Variants in DLEC1 observed in about 807,000 individuals in gnomAD.
DLEC1 encodes deleted in lung and esophageal cancer protein 1.
A neutral mutation model predicts 198.1 loss-of-function variants in DLEC1; 146 were observed. The observed-to-expected ratio is 0.74, with a 90% CI of 0.64 to 0.85. DLEC1 has a LOEUF of 0.85. Among genes scored for constraint, DLEC1 ranks in the 40% least tolerant of loss-of-function variants. The pLI is 0.00. For missense variants in DLEC1, 2,233 were observed against 2,220.0 expected (o/e 1.01, Z -0.12); for synonymous variants, 897 against 866.8 (o/e 1.03, Z -0.61).
At position 38,079,132 on chromosome 3, in the gene DLEC1, A is replaced by G. The variant is rs555133186; in HGVS notation, c.1174-5026A>G. 8.4e-4 allele frequency among the ~76,000 whole-genome samples: 127 copies of G among 151,930 alleles called. 2 individuals are homozygous for G. The highest frequency in any genetic ancestry group is 7.3e-3 in the South Asian group (35 of 4,798). Reference sequence around the variant, plus strand: ...TTATACTTGTGGGTTAAGGTGGGGGAATACAAGAGGAGGGCCCAAAGGAGG... The same window carrying G: ...TTATACTTGTGGGTTAAGGTGGGGGGATACAAGAGGAGGGCCCAAAGGAGG... On this transcript the variant is annotated intron_variant, in intron 6 of 36. Coordinates refer to ENST00000308059, the MANE Select transcript of DLEC1 (RefSeq NM_007335.4).
At position 38,102,430 on chromosome 3, in the gene DLEC1, T is replaced by C. The variant is rs1699353921; in HGVS notation, c.2864+2005T>C. ...TTCTTGCGTCTTTCCTTTTCTATAG[T>C]AATCTGTTATAGTCTTATCAATGCA... On this transcript the variant is annotated intron_variant, in intron 19 of 36. Coordinates refer to ENST00000308059, the MANE Select transcript of DLEC1 (RefSeq NM_007335.4). Among the ~76,000 whole-genome samples the C allele has an allele frequency of 2.0e-5, 3 of 152,252 alleles. No individual in the cohort carries two copies. In the South Asian group the frequency reaches 6.2e-4, roughly 31 times the overall value.
In DLEC1 at chr3:38,096,723, A is replaced by T; in HGVS notation, c.2326A>T (p.Lys776Ter). ...PGENYIGINV[K>*]KAFKMWNNSK... Reference sequence around the variant, plus strand: ...GGAGAACTACATTGGGATAAATGTGAAGAAGGCTTTTAAGGTAGGTCATTG... The same window carrying T: ...GGAGAACTACATTGGGATAAATGTGTAGAAGGCTTTTAAGGTAGGTCATTG... The change falls in exon 15 of 37, where the codon AAG becomes TAG. Residue 776 changes from lysine to a stop codon, truncating the protein, a stop_gained. Coordinates refer to ENST00000308059, the MANE Select transcript of DLEC1 (RefSeq NM_007335.4). LOFTEE classifies it high-confidence loss of function. 3.7e-6 allele frequency: 6 copies of T among 1,609,934 alleles called. No individual in the cohort carries two copies. The highest frequency in any genetic ancestry group is 5.1e-6 in the Non-Finnish European group (6 of 1,178,408).
chr3:38,062,754 G>T lies in DLEC1; in HGVS notation c.1047G>T (p.Lys349Asn). 1 of 1,613,954 alleles carries T rather than the reference G, an allele frequency of 6.2e-7. No homozygotes were observed. Among genetic ancestry groups the T allele is most frequent in the Admixed American group, 1.7e-5 (1 of 59,988 alleles). Residue 349 changes from lysine (K) to asparagine (N), a missense_variant, in exon 5 of 37, where the codon AAG (lysine) becomes AAT (asparagine). Coordinates refer to ENST00000308059, the MANE Select transcript of DLEC1 (RefSeq NM_007335.4). ...GCAAGTCTCTTGTTTTTCCTCCAAA[G>T]AAGCCAGCACCGATAGGAGAATTCC... is the stretch of plus-strand genomic sequence containing the variant. ...YGGKSLVFPP[K>N]KPAPIGEFQS... is the part of the protein sequence containing the mutation.
At position 38,045,592 on chromosome 3, in the gene DLEC1, G is replaced by T. The variant is rs201980264; in HGVS notation, c.461G>T (p.Arg154Ile). Residue 154 changes from arginine to isoleucine, a missense_variant, in exon 2 of 37, where the codon AGA becomes ATA. Physicochemically the swap from Arg to Ile is moderately conservative, Grantham distance 97. Coordinates refer to ENST00000308059, the MANE Select transcript of DLEC1 (RefSeq NM_007335.4). ...QRLDEFEMLE[R>I]HITQAQARAI... The stretch of plus-strand genomic sequence containing the variant: ...CTGGATGAGTTTGAAATGTTGGAGA[G>T]ACATATCACTCAGGCCCAAGCACGG... 6.2e-7 allele frequency: 1 copy of T among 1,614,134 alleles called. No homozygotes were observed. The highest frequency in any genetic ancestry group is 1.3e-5 in the African/African-American group (1 of 75,030).
chr3:38,053,779 A>G (rs1294167678), intron 2 of DLEC1, among the ~76,000 whole-genome samples: 1 of 152,220 alleles, frequency 6.6e-6, no homozygotes, highest in African/African-American at 2.4e-5. Flanking sequence ...GAAAAGATAG[A>G]GAAATCAGAT....
At chr3:38,118,535 AG>A (rs976125442) in intron 33 of DLEC1, among the ~76,000 whole-genome samples, 2 of 152,312 alleles carry the variant, frequency 1.3e-5, no homozygotes, top group Non-Finnish European at 2.9e-5. Flanking sequence ...TTGGTTAGGT[AG>A]GGGAAGGTCT....
At chr3:38,094,015 A>T (rs1254499839) in intron 12 of DLEC1, among the ~76,000 whole-genome samples, 3 of 152,266 alleles carry the variant, frequency 2.0e-5, no homozygotes, top group Non-Finnish European at 2.9e-5. Flanking sequence ...CACCAGCCAC[A>T]TGTAGCTAGT....
rs531406002 is a variant in DLEC1, at chr3:38,117,399, C to T, written c.4400+97C>T. The T allele has an allele frequency of 3.6e-4, 580 of 1,595,586 alleles. No individual in the cohort carries two copies. The Middle Eastern group carries it at 0.01, about 28-fold the overall frequency. On this transcript the variant is annotated intron_variant, in intron 31 of 36. Transcript: ENST00000308059. ...AGGCAGGGTTCTCAGAGCAAAAGGA[C>T]GGGCATGGGTGGAGAAGTCAGCAGA... is the stretch of plus-strand genomic sequence containing the variant.
chr3:38,088,050 G>A (rs1198898642), intron 9 of DLEC1, among the ~76,000 whole-genome samples: 2 of 152,206 alleles, frequency 1.3e-5, no homozygotes, highest in African/African-American at 4.8e-5. Context: ...CCTGTCAGTA[G>A]TCAGCTCTTC....
At chr3:38,076,654 A>C (rs998748597) in intron 6 of DLEC1, among the ~76,000 whole-genome samples, 4 of 152,186 alleles carry the variant, frequency 2.6e-5, no homozygotes, top group African/African-American at 9.7e-5. Flanking sequence ...TTCTTTTGTG[A>C]TTCTTCAGTT....
Position 38,116,830 on chromosome 3 carries a change from C to G in DLEC1, c.4120C>G (p.Leu1374Val). ...GGCACAGAAGCTCATCTCAGTCATC[C>G]TGCAGGCACATGAGGGGGTGCCCTC... ...RVAQKLISVI[L>V]QAHEGVPSGH... The change falls in exon 29 of 37, where the codon CTG (leucine) becomes GTG (valine). Residue 1374 changes from leucine (L) to valine (V), a missense_variant. Transcript: ENST00000308059. 3 of 1,613,868 alleles carry G rather than the reference C, an allele frequency of 1.9e-6. No individual in the cohort carries two copies. Among genetic ancestry groups the G allele is most frequent in the Non-Finnish European group, 2.5e-6 (3 of 1,179,900 alleles).
At chr3:38,094,835 C>A (rs1559441007) in intron 12 of DLEC1, 44 bp from the exon 13 acceptor site, 2 of 1,599,382 alleles carry the variant, frequency 1.3e-6, no homozygotes, top group South Asian at 1.1e-5. Context: ...GGGACCTGGT[C>A]CCAGCAGAAC....
At chr3:38,095,683 C>A in intron 13 of DLEC1, 1 of 581,650 alleles carries the variant, frequency 1.7e-6, no homozygotes. Flanking sequence ...CTGAGACAGG[C>A]CCCTGAGTCC....
Position 38,093,620 on chromosome 3 carries a change from T to C in DLEC1, c.1772T>C (p.Ile591Thr). 6.2e-7 allele frequency: 1 copy of C among 1,614,164 alleles called. No homozygotes were observed. The highest frequency in any genetic ancestry group is 2.2e-5 in the East Asian group (1 of 44,884). The change falls in exon 12 of 37, where the codon ATT becomes ACT. Residue 591 changes from isoleucine (I) to threonine (T), a missense_variant. Ile to Thr is a moderately conservative substitution (Grantham distance 89). Transcript: ENST00000308059. ...ELVTIGIGQL[I>T]ALDLIYISGE... ...ACTTTGGCAGGAATTGGGCAGCTGA[T>C]TGCTTTGGATCTGATCTATATTTCT... is the stretch of plus-strand genomic sequence containing the variant.
chr3:38,084,946 A>G (rs1266940703), intron 7 of DLEC1, among the ~76,000 whole-genome samples: 1 of 151,758 alleles, frequency 6.6e-6, no homozygotes, highest in Non-Finnish European at 1.5e-5. Flanking sequence ...CTTAAGAACA[A>G]CTCTGATCAT....
At chr3:38,120,220 AGCCTCTG>A (rs1369107797) in intron 33 of DLEC1, among the ~76,000 whole-genome samples, 1 of 152,208 alleles carries the variant, frequency 6.6e-6, no homozygotes, top group Non-Finnish European at 1.5e-5. Context: ...CTTCCCTTCT[AGCCTCTG>A]ACCTCTGAGG....
chr3:38,095,104 G>T (rs751476908), intron 13 of DLEC1, 33 bp downstream of exon 13: 2 of 1,610,008 alleles, frequency 1.2e-6, no homozygotes, highest in South Asian at 2.2e-5. Flanking sequence ...AGCCACACAT[G>T]GTTGGATCAT....
intron 20 of DLEC1, among the ~76,000 whole-genome samples, chr3:38,107,939 T>G (rs1181539244): frequency 1.3e-5 from 2 of 152,236 alleles, no homozygotes; most frequent in African/African-American, 2.4e-5. Flanking sequence ...GCCCTGCCTC[T>G]AGGGAATTCC....
intron 2 of DLEC1, among the ~76,000 whole-genome samples, chr3:38,058,526 A>C (rs544916275): frequency 6.6e-6 from 1 of 152,338 alleles, no homozygotes; most frequent in Admixed American, 6.5e-5. Flanking sequence ...AAACTGTATA[A>C]AAGCTGAAAA....
Sources: allele counts gnomAD v4.1 joint callset (sites outside exome capture counted in the v4.1 genomes callset), GRCh38; gene constraint gnomAD v4.1.1; transcripts MANE v1.5; gene names NCBI Gene and HGNC (gene_info 2026-07-23, HGNC 2026-07-21).